The following TOX3 variants were observed in gnomAD, a reference collection of about 807,000 sequenced individuals.
The protein encoded by TOX3 is CAG trinucleotide repeat-containing gene F9 protein.
A neutral mutation model predicts 64.3 loss-of-function variants in TOX3; 22 were observed. The ratio of observed to expected loss-of-function variants is 0.34; its 90% confidence interval spans 0.24 to 0.49. TOX3 has a LOEUF of 0.49. Ranked by LOEUF, TOX3 falls within the 20% of genes least tolerant of loss-of-function variation. The pLI is 0.99. For missense variants in TOX3, 661 were observed against 714.4 expected, an observed-to-expected ratio of 0.93 and a Z score of 0.85; for synonymous variants, 291 against 273.6, an observed-to-expected ratio of 1.06 and a Z score of -0.63.
chr16:52,514,431 G>A (rs921241102), intron 1 of TOX3, among the ~76,000 whole-genome samples: 1 of 152,152 alleles, frequency 6.6e-6, no homozygotes, highest in Non-Finnish European at 1.5e-5. Context: ...GAGCCCAACT[G>A]ATGCCTAACC....
chr16:52,482,531 A>G (rs1407561325), intron 1 of TOX3, among the ~76,000 whole-genome samples: 3 of 152,178 alleles, frequency 2.0e-5, no homozygotes, highest in South Asian at 2.1e-4. Context: ...AACAACCACA[A>G]AAGAATATCA....
chr16:52,463,850 C>G (rs1960771310), intron 3 of TOX3, 84 bp downstream of exon 3: 1 of 1,435,490 alleles, frequency 7.0e-7, no homozygotes, highest in Non-Finnish European at 9.2e-7. Context: ...GGCAAGAGCA[C>G]GTTTCAGAAC....
At chr16:52,495,834 T>C (rs1456499148) in intron 1 of TOX3, among the ~76,000 whole-genome samples, 1 of 152,190 alleles carries the variant, frequency 6.6e-6, no homozygotes, top group Non-Finnish European at 1.5e-5. Context: ...AGATCATCTA[T>C]AAATCTCTAT....
intron 6 of TOX3, among the ~76,000 whole-genome samples, chr16:52,441,266 A>G (rs914716982): frequency 4.6e-5 from 7 of 152,246 alleles, no homozygotes; most frequent in African/African-American, 1.7e-4. Context: ...TCACTCAAGT[A>G]TAAGAAAACC....
At chr16:52,528,549 TG>T (rs1045324866) in intron 1 of TOX3, among the ~76,000 whole-genome samples, 120 of 152,224 alleles carry the variant, frequency 7.9e-4, no homozygotes, top group African/African-American at 2.8e-3. Context: ...CCGGGCAGAC[TG>T]CCTGGTTCCC....
In TOX3 at chr16:52,547,087, C is replaced by A; in HGVS notation, c.-364G>T. On this transcript the variant is annotated 5_prime_UTR_variant, in exon 1 of 7. Transcript: ENST00000219746. Reference sequence around the variant, plus strand: ...GCTGGGACGGCGGCGGCGGCGGCGGCTGGCCCCGCTCCTCCTCCTCCTCCC... The same window carrying A: ...GCTGGGACGGCGGCGGCGGCGGCGGATGGCCCCGCTCCTCCTCCTCCTCCC... 2.7e-6 allele frequency: 1 copy of A among 365,462 alleles called. No individual in the cohort carries two copies. Among genetic ancestry groups the A allele is most frequent in the Non-Finnish European group, 3.8e-6 (1 of 265,624 alleles). 22.6% of individuals were successfully genotyped at this position (365,462 alleles called of 1,614,324 possible).
chr16:52,538,792 C>T (rs1378548924), intron 1 of TOX3, among the ~76,000 whole-genome samples: 1 of 152,096 alleles, frequency 6.6e-6, no homozygotes, highest in Non-Finnish European at 1.5e-5. Flanking sequence ...ATGTTTTACA[C>T]AAGCATGAAA....
intron 1 of TOX3, among the ~76,000 whole-genome samples, chr16:52,473,685 C>T (rs891274738): frequency 1.3e-5 from 2 of 152,110 alleles, no homozygotes; most frequent in African/African-American, 2.4e-5. Context: ...GCCAATATGG[C>T]GGATGATGAT....
Position 52,450,421 on chromosome 16 carries a change from G to A in TOX3, c.534C>T (p.Asn178=), listed in dbSNP as rs1960299980. The part of the protein sequence containing the change: ...VMPPAQLTTI[N]QSQLSAQLGL... ...CCAACTGGGCGCTGAGCTGAGACTG[G>A]TTGATGGTGGTGAGCTGGGCAGGAG... Residue 178 remains asparagine, a synonymous_variant, in exon 4 of 7, where the codon AAC becomes AAT. Coordinates refer to ENST00000219746, the MANE Select transcript of TOX3 (RefSeq NM_001080430.4). 6.2e-7 allele frequency: 1 copy of A among 1,613,904 alleles called. No homozygotes were observed. Among genetic ancestry groups the A allele is most frequent in the African/African-American group, 1.3e-5 (1 of 74,940 alleles).
At chr16:52,467,180 T>C (rs1251373733) in intron 2 of TOX3, among the ~76,000 whole-genome samples, 1 of 152,160 alleles carries the variant, frequency 6.6e-6, no homozygotes, top group Non-Finnish European at 1.5e-5. Flanking sequence ...ACACGGTGAA[T>C]TATCACAGCT....
chr16:52,524,156 G>A (rs1298253550), intron 1 of TOX3, among the ~76,000 whole-genome samples: 1 of 152,144 alleles, frequency 6.6e-6, no homozygotes, highest in Non-Finnish European at 1.5e-5. Flanking sequence ...TGGACATTAA[G>A]ATGCCATAAG....
chr16:52,449,884 G>A (rs1376907694), intron 4 of TOX3, among the ~76,000 whole-genome samples: 1 of 152,260 alleles, frequency 6.6e-6, no homozygotes, highest in Non-Finnish European at 1.5e-5. Flanking sequence ...GCAGCAGCTT[G>A]ACCAACACAC....
At chr16:52,498,267 G>C (rs1358122301) in intron 1 of TOX3, among the ~76,000 whole-genome samples, 1 of 152,162 alleles carries the variant, frequency 6.6e-6, no homozygotes, top group Non-Finnish European at 1.5e-5. Context: ...CAACTGAATA[G>C]GAAGGGAACT....
At chr16:52,476,398 C>CA (rs1377605686) in intron 1 of TOX3, among the ~76,000 whole-genome samples, 2 of 152,154 alleles carry the variant, frequency 1.3e-5, no homozygotes, top group Non-Finnish European at 2.9e-5. Context: ...CTCTCAAACC[C>CA]AACTGCACTT....
intron 2 of TOX3, 109 bp from the exon 3 acceptor site, chr16:52,464,297 C>T: frequency 8.7e-7 from 1 of 1,155,512 alleles, no homozygotes; most frequent in Non-Finnish European, 1.1e-6. Flanking sequence ...CATATCTAGG[C>T]CAAATATTTA....
At chr16:52,440,012 GTATTTAAAA>G in intron 6 of TOX3, 44 bp from the exon 7 acceptor site, 6 of 1,424,174 alleles carry the variant, frequency 4.2e-6, no homozygotes, top group Non-Finnish European at 5.7e-6. Context: ...CAACACATAA[GTATTTAAAA>G]TATTTAAGCA....
intron 1 of TOX3, among the ~76,000 whole-genome samples, chr16:52,472,961 A>G (rs1961090123): frequency 1.3e-5 from 2 of 152,140 alleles, no homozygotes; most frequent in Non-Finnish European, 2.9e-5. Context: ...GAACATCCTC[A>G]TTGTACTTGG....
At chr16:52,485,222 ATG>A (rs1240643738) in intron 1 of TOX3, among the ~76,000 whole-genome samples, 6,256 of 102,738 alleles carry the variant, frequency 0.061, 452 homozygotes, top group African/African-American at 0.2. Flanking sequence ...GTGTATATAC[ATG>A]TGTGTGTGTG....
At chr16:52,461,305 CT>C (rs1464082910) in intron 3 of TOX3, among the ~76,000 whole-genome samples, 2 of 152,122 alleles carry the variant, frequency 1.3e-5, no homozygotes, top group Non-Finnish European at 2.9e-5. Context: ...CAAGGTTGTT[CT>C]TTGAAGTCAC....
Sources: gnomAD v4.1 joint callset for allele counts (sites outside exome capture counted in the v4.1 genomes callset) on GRCh38, gnomAD v4.1.1 for gene constraint, MANE v1.5 for transcripts, NCBI Gene and HGNC (gene_info 2026-07-23, HGNC 2026-07-21) for gene names.